LBR: variants seen among roughly 807,000 people sequenced by gnomAD.
LBR encodes the protein delta(14)-sterol reductase LBR.
A neutral mutation model predicts 74.3 loss-of-function variants in LBR; 28 were observed. The observed-to-expected ratio is 0.38, with a 90% CI of 0.28 to 0.52. LBR has a LOEUF of 0.52. LBR is among the 20% of genes least tolerant of loss of function. The pLI is 0.89. For missense variants in LBR, 717 were observed against 760.3 expected (o/e 0.94, Z 0.67); for synonymous variants, 228 against 269.3 (o/e 0.85, Z 1.50).
At chr1:225,407,600 G>A (rs1197300916) in intron 10 of LBR, among the ~76,000 whole-genome samples, 3 of 151,890 alleles carry the variant, frequency 2.0e-5, no homozygotes, top group Admixed American at 6.6e-5. Flanking sequence ...TCTAGAATAC[G>A]GAACCACCAC....
chr1:225,424,497 G>T (rs558092214), intron 1 of LBR, among the ~76,000 whole-genome samples: 3 of 152,124 alleles, frequency 2.0e-5, no homozygotes, highest in Non-Finnish European at 4.4e-5. Context: ...ATTAAAAACA[G>T]CAAACTATAA....
rs1394575449 is a variant in LBR at position 225,417,969 on chromosome 1, T to C, written c.837+15A>G. 1.2e-6 allele frequency: 2 copies of C among 1,611,946 alleles called. No individual in the cohort carries two copies. Among genetic ancestry groups the C allele is most frequent in the South Asian group, 2.2e-5 (2 of 90,984 alleles). Reference sequence around the variant, plus strand: ...CTCATCTTATTAAAACAAAACAGAATTACCATAAACGTACCTTTCCAATTG... The same window carrying C: ...CTCATCTTATTAAAACAAAACAGAACTACCATAAACGTACCTTTCCAATTG... On this transcript the variant is annotated intron_variant, in intron 6 of 13. Coordinates refer to ENST00000272163, the MANE Select transcript of LBR (RefSeq NM_002296.4).
At position 225,404,726 on chromosome 1, in the gene LBR, TC is replaced by T. The variant is rs1251612428; in HGVS notation, c.1484-21del. The T allele has an allele frequency of 2.0e-6, 3 of 1,524,294 alleles. No homozygotes were observed. Among genetic ancestry groups the T allele is most frequent in the Non-Finnish European group, 2.7e-6 (3 of 1,100,358 alleles). 94.4% of individuals were successfully genotyped at this position (1,524,294 alleles called of 1,614,324 possible). On this transcript the variant is annotated intron_variant, in intron 11 of 13. Coordinates refer to ENST00000272163, the MANE Select transcript of LBR (RefSeq NM_002296.4). ...CACAAACTGCAATTTTAAAATATTT[TC>T]CTATGTTAATAACTTAGTTATACTC...
chr1:225,410,345 C>A lies in LBR; in HGVS notation c.1260G>T (p.Met420Ile). ...IQDRAVPSLA[M>I]ILVNSFQLLY... Reference sequence around the variant, plus strand: ...GAAGCTGGAAACTATTAACTAAAATCATGGCCAAGGATGGAACAGCGCGGT... The same window carrying A: ...GAAGCTGGAAACTATTAACTAAAATAATGGCCAAGGATGGAACAGCGCGGT... The change falls in exon 10 of 14, where the codon ATG (methionine) becomes ATT (isoleucine). Residue 420 changes from methionine (M) to isoleucine (I), a missense_variant. Met to Ile is a conservative substitution (Grantham distance 10, BLOSUM62 1). Coordinates refer to ENST00000272163, the MANE Select transcript of LBR (RefSeq NM_002296.4). 1 of 1,614,194 alleles carries A rather than the reference C, an allele frequency of 6.2e-7. No homozygotes were observed. Among genetic ancestry groups the A allele is most frequent in the South Asian group, 1.1e-5 (1 of 91,088 alleles).
intron 1 of LBR, among the ~76,000 whole-genome samples, chr1:225,426,490 T>TC (rs1208886337): frequency 6.6e-6 from 1 of 152,208 alleles, no homozygotes; most frequent in East Asian, 1.9e-4. Flanking sequence ...CTCAGGTTTT[T>TC]CTCTATTAAG....
At chr1:225,417,944 C>G (rs377212208) in intron 6 of LBR, 40 bp downstream of exon 6, 2 of 1,579,842 alleles carry the variant, frequency 1.3e-6, no homozygotes, top group Non-Finnish European at 1.7e-6. Flanking sequence ...ATAGTGAGAC[C>G]TCATCTTATT....
rs1453936270 is a variant in LBR, at chr1:225,406,807, A to T, written c.1340T>A (p.Ile447Asn). ...CATGAATCCAAATCCATCGTGGATG[A>T]TGTCCATGGTCGTCAACAACGCTTC... The part of the protein sequence containing the change: ...NEEALLTTMD[I>N]IHDGFGFMLA... The change falls in exon 11 of 14, where the codon ATC (isoleucine) becomes AAC (asparagine). Residue 447 changes from isoleucine (I) to asparagine (N), a missense_variant. By Grantham distance (149) the Ile-to-Asn change is moderately radical (BLOSUM62 -3). Transcript: ENST00000272163. The T allele has an allele frequency of 6.2e-7, 1 of 1,614,264 alleles. No homozygotes were observed. Among genetic ancestry groups the T allele is most frequent in the Non-Finnish European group, 8.5e-7 (1 of 1,180,036 alleles).
chr1:225,419,616 A>C, intron 4 of LBR, 99 bp downstream of exon 4: 1 of 1,076,676 alleles, frequency 9.3e-7, no homozygotes. Flanking sequence ...ACAGGTTATA[A>C]AATATTACAA....
Position 225,419,281 on chromosome 1 carries a change from C to T in LBR, c.622G>A (p.Glu208Lys). 6.2e-7 allele frequency: 1 copy of T among 1,614,218 alleles called. No individual in the cohort carries two copies. Among genetic ancestry groups the T allele is most frequent in the South Asian group, 1.1e-5 (1 of 91,084 alleles). ...GGCCTACCAGGTACTCCTCCAAACT[C>T]CAAGTCCTTTGCCCGGATGGGGGTC... ...EVTPIRAKDLEFGGVPGVFLI... is the reference protein window; with the variant it reads ...EVTPIRAKDLKFGGVPGVFLI... The change falls in exon 5 of 14, where the codon GAG (glutamate) becomes AAG (lysine). Residue 208 changes from glutamate (E) to lysine (K), a missense_variant. Transcript: ENST00000272163.
intron 1 of LBR, among the ~76,000 whole-genome samples, chr1:225,425,626 T>TTTCAACATTTAG (rs1413249326): frequency 6.6e-6 from 1 of 152,130 alleles, no homozygotes; most frequent in Non-Finnish European, 1.5e-5. Context: ...GCTTTGCCTA[T>TTTCAACATTTAG]TTCAACATTT....
intron 6 of LBR, 144 bp from the exon 7 acceptor site, chr1:225,415,476 A>G (rs2096115414): frequency 3.4e-6 from 2 of 592,754 alleles, no homozygotes; most frequent in South Asian, 2.0e-5. Flanking sequence ...GAAATTTAGT[A>G]ATATGTTTCA....
rs533588538 is a variant in LBR, at chr1:225,415,340, GA to G, written c.838-9del. 23 of 1,547,714 alleles carry G rather than the reference GA, an allele frequency of 1.5e-5. No individual in the cohort carries two copies. Among genetic ancestry groups the G allele is most frequent in the East Asian group, 6.8e-5 (3 of 44,286 alleles). ...AGGCGTTCCTTCTACAACCTTAAAA[GA>G]AAAAAAATTTACAAATTTACTAAGC... On this transcript the variant is annotated splice_polypyrimidine_tract_variant and intron_variant, in intron 6 of 13. Transcript: ENST00000272163.
In LBR at chr1:225,403,187, A is replaced by G. The variant is rs2096084511; in HGVS notation, c.*116T>C. 1.0e-6 allele frequency: 1 copy of G among 982,950 alleles called. No homozygotes were observed. The highest frequency in any genetic ancestry group is 1.6e-6 in the Non-Finnish European group (1 of 625,858). The allele number at this position is 982,950 out of a possible 1,614,324, so 60.9% of individuals were successfully genotyped here. A position where few individuals can be genotyped will look rare whatever the true frequency, so the allele number is the denominator to read the frequency against. ...GCTCCATAGTCCTGACTCAAAAAGAAAAAAAAAAGTACAGACCCTGTCAGT... is the reference window on the plus strand; with the variant it reads ...GCTCCATAGTCCTGACTCAAAAAGAGAAAAAAAAGTACAGACCCTGTCAGT... On this transcript the variant is annotated 3_prime_UTR_variant, in exon 14 of 14. Transcript: ENST00000272163.
intron 2 of LBR, among the ~76,000 whole-genome samples, chr1:225,422,586 C>T (rs1402998967): frequency 6.6e-6 from 1 of 150,984 alleles, no homozygotes; most frequent in East Asian, 1.9e-4. Flanking sequence ...TAATAATTAA[C>T]ATGGATTAAA....
chr1:225,416,398 G>T (rs958464082), intron 6 of LBR, among the ~76,000 whole-genome samples: 1 of 152,162 alleles, frequency 6.6e-6, no homozygotes, highest in African/African-American at 2.4e-5. Context: ...TAACTATTCA[G>T]AAATGTAGCA....
intron 11 of LBR, among the ~76,000 whole-genome samples, chr1:225,405,758 T>G (rs2096090204): frequency 6.6e-6 from 1 of 152,218 alleles, no homozygotes; most frequent in African/African-American, 2.4e-5. Context: ...ACATTCCCCA[T>G]TTTTAGCTGA....
At position 225,403,221 on chromosome 1, in the gene LBR, A is replaced by C; in HGVS notation, c.*82T>G. 1 of 1,391,022 alleles carries C rather than the reference A, an allele frequency of 7.2e-7. No homozygotes were observed. Among genetic ancestry groups the C allele is most frequent in the Non-Finnish European group, 1.0e-6 (1 of 977,718 alleles). 86.2% of individuals were successfully genotyped at this position (1,391,022 alleles called of 1,614,324 possible). A position where few individuals can be genotyped will look rare whatever the true frequency, so the allele number is the denominator to read the frequency against. On this transcript the variant is annotated 3_prime_UTR_variant, in exon 14 of 14. Coordinates refer to ENST00000272163, the MANE Select transcript of LBR (RefSeq NM_002296.4). ...GTACAGACCCTGTCAGTGCAACAAA[A>C]GAAAGTTTCGGATTTTTTTCCTTGT...
At position 225,406,792 on chromosome 1, in the gene LBR, A is replaced by G. The variant is rs762651731; in HGVS notation, c.1355T>C (p.Phe452Ser). 3.7e-6 allele frequency: 6 copies of G among 1,614,250 alleles called. No homozygotes were observed. In the Admixed American group the frequency reaches 8.3e-5, roughly 22 times the overall value. Residue 452 changes from phenylalanine to serine, a missense_variant, in exon 11 of 14, where the codon TTT becomes TCT. Phe to Ser is a radical substitution (Grantham distance 155). Transcript: ENST00000272163. ...GTCTCCAAAAGCCAGCATGAATCCA[A>G]ATCCATCGTGGATGATGTCCATGGT... ...LTTMDIIHDGFGFMLAFGDLV... is the reference protein window; with the variant it reads ...LTTMDIIHDGSGFMLAFGDLV...
At chr1:225,422,463 T>C in intron 2 of LBR, 186 bp from the exon 3 acceptor site, 2 of 623,134 alleles carry the variant, frequency 3.2e-6, no homozygotes, top group Non-Finnish European at 5.8e-6. Flanking sequence ...ATGATCCATC[T>C]TTCATGAGAC....
Sources: gnomAD v4.1 joint callset for allele counts (sites outside exome capture counted in the v4.1 genomes callset) on GRCh38, gnomAD v4.1.1 for gene constraint, MANE v1.5 for transcripts, NCBI Gene and HGNC (gene_info 2026-07-23, HGNC 2026-07-21) for gene names.